RASL10A: variants seen among roughly 807,000 people sequenced by gnomAD.
RASL10A encodes the protein RAS like family 10 member A.
RASL10A carries 13 observed loss-of-function variants against 17.3 expected under a neutral mutation model. The observed-to-expected ratio is 0.75, with a 90% confidence interval of 0.49 to 1.20. The LOEUF (loss-of-function observed/expected upper bound fraction) is 1.20. RASL10A is among the 50% of genes most tolerant of loss of function. The pLI is 0.00. For missense variants in RASL10A, 307 were observed against 310.3 expected (o/e 0.99, Z 0.08); for synonymous variants, 159 against 142.2 (o/e 1.12, Z -0.84).
upstream of RASL10A, among the ~76,000 whole-genome samples, chr22:29,317,571 G>A (rs1382514500): frequency 2.0e-5 from 3 of 152,168 alleles, no homozygotes; most frequent in Non-Finnish European, 4.4e-5. Context: ...TCAGGCTTCT[G>A]GGTTTTGTGA....
Position 29,313,294 on chromosome 22 carries a change from G to A in RASL10A, c.*7C>T, listed in dbSNP as rs1242112377. The A allele has an allele frequency of 4.7e-6, 7 of 1,495,068 alleles. No homozygotes were observed. The Admixed American group carries it at 1.2e-4, about 25-fold the overall frequency. The allele number at this position is 1,495,068 out of a possible 1,614,324, so 92.6% of individuals were successfully genotyped here. A position where few individuals can be genotyped will look rare whatever the true frequency, so the allele number is the denominator to read the frequency against. On this transcript the variant is annotated 3_prime_UTR_variant, in exon 3 of 3. Transcript: ENST00000216101. ...GTGGGGCCCATGGATGGCACTGTCC[G>A]ATCGGGTCACATGAGGCTGCAGCGC...
rs1226205307 is a variant in RASL10A at position 29,315,021 on chromosome 22, C to CCGCT, written c.219+3_219+6dup. The CCGCT allele has an allele frequency of 2.8e-5, 42 of 1,496,438 alleles. No individual in the cohort carries two copies. Among genetic ancestry groups the CCGCT allele is most frequent in the Non-Finnish European group, 3.5e-5 (40 of 1,127,402 alleles). 92.7% of individuals were successfully genotyped at this position (1,496,438 alleles called of 1,614,324 possible). On this transcript the variant is annotated splice_region_variant and intron_variant, in intron 1 of 2. Coordinates refer to ENST00000216101, the MANE Select transcript of RASL10A (RefSeq NM_006477.5). This position sits in a 1 kb window ranked among gnomAD's most constrained non-coding sequence, Gnocchi z 5.5. ...CACACGCCCCTGCCCGCTCCTCGAG[C>CCGCT]CGCTACCTCCGGACCCCCGGGGCTC...
intron 1 of RASL10A, among the ~76,000 whole-genome samples, chr22:29,314,506 A>G (rs1033440712): frequency 2.0e-5 from 3 of 152,076 alleles, no homozygotes; most frequent in Non-Finnish European, 4.4e-5. Context: ...GCCCTGCTTA[A>G]TCCTGCCTGC....
chr22:29,318,194 C>G (rs1404582468), upstream of RASL10A, among the ~76,000 whole-genome samples: 1 of 152,216 alleles, frequency 6.6e-6, no homozygotes, highest in Non-Finnish European at 1.5e-5. Context: ...CCATGAAGCC[C>G]TGCAAACGTG....
chr22:29,313,721 A>G, intron 2 of RASL10A, 142 bp downstream of exon 2: 3 of 1,442,152 alleles, frequency 2.1e-6, no homozygotes, highest in Non-Finnish European at 2.8e-6. Context: ...TGGGCCAAAG[A>G]GCACATACAG....
Position 29,313,040 on chromosome 22 carries a change from T to C in RASL10A, c.*261A>G, listed in dbSNP as rs2061427855. ...GTTTCCAGTCAAGTTCATAGCCAAGTCCTTTCCATCCAATGGGATTGTGAC... is the reference window on the plus strand; with the variant it reads ...GTTTCCAGTCAAGTTCATAGCCAAGCCCTTTCCATCCAATGGGATTGTGAC... On this transcript the variant is annotated 3_prime_UTR_variant, in exon 3 of 3. Coordinates refer to ENST00000216101, the MANE Select transcript of RASL10A (RefSeq NM_006477.5). The C allele has an allele frequency of 1.4e-5, 6 of 425,560 alleles. No homozygotes were observed. In the Admixed American group the frequency reaches 2.1e-4, roughly 15 times the overall value. 26.4% of individuals were successfully genotyped at this position (425,560 alleles called of 1,614,324 possible).
chr22:29,316,705 G>A (rs201915743), upstream of RASL10A: 1 of 152,242 alleles, frequency 6.6e-6, no homozygotes, highest in African/African-American at 2.4e-5. Flanking sequence ...TCAAGAAATG[G>A]CGGCAATGCT....
rs957432920 is a variant in RASL10A, at chr22:29,313,239, A to G, written c.*62T>C. 1.4e-6 allele frequency: 2 copies of G among 1,440,426 alleles called. No homozygotes were observed. Among genetic ancestry groups the G allele is most frequent in the African/African-American group, 1.5e-5 (1 of 68,100 alleles). The allele number at this position is 1,440,426 out of a possible 1,614,324, so 89.2% of individuals were successfully genotyped here. On this transcript the variant is annotated 3_prime_UTR_variant, in exon 3 of 3. Transcript: ENST00000216101. Reference sequence around the variant, plus strand: ...CAGTGAAGTTGGGCGATCCCGTCCAATCCAGGTCCCTGATTGTCCCAGTCA... The same window carrying G: ...CAGTGAAGTTGGGCGATCCCGTCCAGTCCAGGTCCCTGATTGTCCCAGTCA...
At chr22:29,319,026 C>A (rs533640073), upstream of RASL10A, among the ~76,000 whole-genome samples, 1 of 152,226 alleles carries the variant, frequency 6.6e-6, no homozygotes, top group African/African-American at 2.4e-5. Context: ...AGGATCAAGC[C>A]ACAGATAGTG....
upstream of RASL10A, chr22:29,317,286 G>C (rs1300292513): frequency 2.0e-5 from 3 of 152,380 alleles, no homozygotes. Context: ...ACCCAAGCTG[G>C]AGTGCAGTGG....
chr22:29,317,671 G>C (rs544577771), upstream of RASL10A, among the ~76,000 whole-genome samples: 19 of 151,934 alleles, frequency 1.3e-4, 1 homozygote, highest in South Asian at 2.1e-3. Context: ...CTGAAAAGCT[G>C]ACACCAGGAC....
Position 29,313,499 on chromosome 22 carries a change from G to C in RASL10A, c.414C>G (p.Phe138Leu), listed in dbSNP as rs1195284739. Reference sequence around the variant, plus strand: ...GGGCGGCCAGCGCGCGCCGCGGTCCGAAGCGCAGCCGCTGCCTGTCCCGCT... The same window carrying C: ...GGGCGGCCAGCGCGCGCCGCGGTCCCAAGCGCAGCCGCTGCCTGTCCCGCT... ...GNKRDRQRLR[F>L]GPRRALAALV... The change falls in exon 3 of 3, where the codon TTC becomes TTG. Residue 138 changes from phenylalanine to leucine, a missense_variant. Physicochemically the swap from Phe to Leu is conservative, Grantham distance 22. Coordinates refer to ENST00000216101, the MANE Select transcript of RASL10A (RefSeq NM_006477.5). 1.3e-6 allele frequency: 2 copies of C among 1,566,762 alleles called. No homozygotes were observed. Among genetic ancestry groups the C allele is most frequent in the Non-Finnish European group, 1.7e-6 (2 of 1,164,126 alleles).
upstream of RASL10A, chr22:29,317,250 T>G (rs2061458659): frequency 6.6e-6 from 1 of 152,228 alleles, no homozygotes; most frequent in Non-Finnish European, 1.5e-5. Flanking sequence ...TGGGTTTTGT[T>G]GTTTGAGACA....
At chr22:29,318,786 C>T (rs916101434), upstream of RASL10A, among the ~76,000 whole-genome samples, 2 of 152,244 alleles carry the variant, frequency 1.3e-5, no homozygotes, top group Non-Finnish European at 2.9e-5. Flanking sequence ...CCAGGGACCA[C>T]CTGCCAACTA....
Position 29,313,972 on chromosome 22 carries a change from T to G in RASL10A, c.235A>C (p.Lys79Gln). Reference sequence around the variant, plus strand: ...TCCGTGTCCTGCAAGCTCCAGTCCTTAGCGTCTGGCCACTCCTGGGGACAG... The same window carrying G: ...TCCGTGTCCTGCAAGCTCCAGTCCTGAGCGTCTGGCCACTCCTGGGGACAG... ...PGGPEEWPDA[K>Q]DWSLQDTDAF... The change falls in exon 2 of 3, where the codon AAG becomes CAG. Residue 79 changes from lysine (K) to glutamine (Q), a missense_variant. Transcript: ENST00000216101. 1 of 1,613,594 alleles carries G rather than the reference T, an allele frequency of 6.2e-7. No homozygotes were observed. Among genetic ancestry groups the G allele is most frequent in the Non-Finnish European group, 8.5e-7 (1 of 1,179,996 alleles).
At position 29,315,438 on chromosome 22, in the gene RASL10A, A is replaced by C; in HGVS notation, c.-192T>G. ...AGGAGCTGGCGGCGGGAGGGCAGAC[A>C]GACAGCCGAGTGGGCAGACAGGTGG... is the stretch of plus-strand genomic sequence containing the variant. On this transcript the variant is annotated 5_prime_UTR_variant, in exon 1 of 3. Transcript: ENST00000216101. The surrounding 1 kb of genome is among the most constrained non-coding windows in gnomAD (Gnocchi z 5.5). 1 of 306,438 alleles carries C rather than the reference A, an allele frequency of 3.3e-6. No homozygotes were observed. Among genetic ancestry groups the C allele is most frequent in the Non-Finnish European group, 5.8e-6 (1 of 172,210 alleles). 19.0% of individuals were successfully genotyped at this position (306,438 alleles called of 1,614,324 possible).
chr22:29,316,257 G>A (rs559311832), upstream of RASL10A, among the ~76,000 whole-genome samples: 5 of 152,196 alleles, frequency 3.3e-5, no homozygotes, highest in Non-Finnish European at 5.9e-5. Flanking sequence ...GGGGGCCCTT[G>A]AAGTCTCCTT....
chr22:29,313,185 A>G lies in RASL10A; in HGVS notation c.*116T>C. On this transcript the variant is annotated 3_prime_UTR_variant, in exon 3 of 3. Transcript: ENST00000216101. ...ACTGGGTTGGAGCTTTCCTCATCCA[A>G]TCAGGGCGGAGACTTCCCTGTCCAG... 4 of 1,319,092 alleles carry G rather than the reference A, an allele frequency of 3.0e-6. No homozygotes were observed. Among genetic ancestry groups the G allele is most frequent in the East Asian group, 2.8e-5 (1 of 35,848 alleles). The allele number at this position is 1,319,092 out of a possible 1,614,324, so 81.7% of individuals were successfully genotyped here.
intron 2 of RASL10A, 109 bp from the exon 3 acceptor site, chr22:29,313,677 C>CA: frequency 4.2e-6 from 6 of 1,413,492 alleles, no homozygotes; most frequent in Admixed American, 2.7e-5. Flanking sequence ...AGACACCGCC[C>CA]CCCCCGCCGC....
Sources: gnomAD v4.1 joint callset for allele counts (sites outside exome capture counted in the v4.1 genomes callset) on GRCh38, gnomAD v4.1.1 for gene constraint, Gnocchi (gnomAD v3.1) non-coding constraint, MANE v1.5 for transcripts, NCBI Gene and HGNC (gene_info 2026-07-23, HGNC 2026-07-21) for gene names.